Variants in NOX4 observed in about 807,000 individuals in gnomAD.
NOX4 encodes kidney oxidase-1.
NOX4 carries 69 observed loss-of-function variants against 87.6 expected under a neutral mutation model. The ratio of observed to expected loss-of-function variants is 0.79; its 90% CI spans 0.65 to 0.96. The LOEUF is 0.96. Among genes scored for constraint, NOX4 ranks in the 40% least tolerant of loss-of-function variants. The pLI is 0.00. For missense variants in NOX4, 680 were observed against 681.5 expected (o/e 1.00, Z 0.02); for synonymous variants, 275 against 238.2 (o/e 1.15, Z -1.42).
intron 2 of NOX4, among the ~76,000 whole-genome samples, chr11:89,455,301 G>A (rs535700046): frequency 2.6e-5 from 4 of 152,022 alleles, no homozygotes; most frequent in African/African-American, 9.6e-5. Context: ...TTATCACAAG[G>A]ACATTCCATG....
the NOX4 span, chr11:89,533,964 T>A: frequency 6.6e-6 from 1 of 152,234 alleles, no homozygotes. Context: ...AGCCTCTGTC[T>A]TGTCTAATAC....
At chr11:89,339,437 G>A (rs1945877553) in intron 15 of NOX4, among the ~76,000 whole-genome samples, 2 of 152,170 alleles carry the variant, frequency 1.3e-5, no homozygotes, top group African/African-American at 4.8e-5. Flanking sequence ...AGGGAAGGTA[G>A]TAAGAGAGGA....
the NOX4 span, among the ~76,000 whole-genome samples, chr11:89,560,996 C>CTCTCTCTCTCTATATATATA: frequency 2.4e-5 from 1 of 40,822 alleles, no homozygotes; most frequent in African/African-American, 1.3e-4. Context: ...CTCTCTCTCT[C>CTCTCTCTCTCTATATATATA]TATATATATA....
intron 2 of NOX4, among the ~76,000 whole-genome samples, chr11:89,460,456 A>G (rs1387398588): frequency 2.0e-5 from 3 of 152,194 alleles, no homozygotes; most frequent in African/African-American, 7.2e-5. Context: ...AACTCAAACA[A>G]ATTTACAAGA....
chr11:89,435,527 G>T (rs1001945677), intron 6 of NOX4, among the ~76,000 whole-genome samples: 1 of 151,950 alleles, frequency 6.6e-6, no homozygotes, highest in Non-Finnish European at 1.5e-5. Flanking sequence ...AAGTCACAGG[G>T]TACATTAATG....
At chr11:89,535,413 T>G in the NOX4 span, among the ~76,000 whole-genome samples, 1 of 152,252 alleles carries the variant, frequency 6.6e-6, no homozygotes, top group Non-Finnish European at 1.5e-5. Flanking sequence ...GATTTTTCAG[T>G]GGCATCCAAG....
At chr11:89,380,456 G>T (rs1421417817) in intron 11 of NOX4, among the ~76,000 whole-genome samples, 2 of 152,096 alleles carry the variant, frequency 1.3e-5, no homozygotes, top group Admixed American at 1.3e-4. Flanking sequence ...TTAAGAGAAT[G>T]AGAGGAAAGG....
the NOX4 span, among the ~76,000 whole-genome samples, chr11:89,570,755 G>C: frequency 1.3e-5 from 2 of 152,154 alleles, no homozygotes; most frequent in African/African-American, 4.8e-5. Context: ...GAGCCTAGGA[G>C]GTTGGTCCTG....
chr11:89,352,146 T>C (rs1946485426), intron 13 of NOX4, among the ~76,000 whole-genome samples: 1 of 152,058 alleles, frequency 6.6e-6, no homozygotes, highest in African/African-American at 2.4e-5. Context: ...TAATGAGAAA[T>C]TACTTATTGC....
At chr11:89,385,856 T>C (rs868290479) in intron 11 of NOX4, among the ~76,000 whole-genome samples, 9 of 152,276 alleles carry the variant, frequency 5.9e-5, no homozygotes, top group Middle Eastern at 6.8e-3. Flanking sequence ...TCTGAGAAGG[T>C]AACCATGGTC....
intron 17 of NOX4, among the ~76,000 whole-genome samples, chr11:89,329,932 C>T (rs1330045737): frequency 6.6e-6 from 1 of 151,670 alleles, no homozygotes; most frequent in Non-Finnish European, 1.5e-5. Context: ...TTTGAATCAA[C>T]CAAAGGAAAG....
Position 89,342,176 on chromosome 11 carries a change from G to A in NOX4, c.1235C>T (p.Pro412Leu), listed in dbSNP as rs1324699109. 3 of 1,612,632 alleles carry A rather than the reference G, an allele frequency of 1.9e-6. No individual in the cohort carries two copies. The highest frequency in any genetic ancestry group is 2.7e-5 in the African/African-American group (2 of 74,802). ...TGATTCCTCAAATGGACTTCCAAAA[G>A]GACCATCAATATACAGCCTGTAGAG... ...RNYPKLYIDG[P>L]FGSPFEESLN... Residue 412 changes from proline (P) to leucine (L), a missense_variant, in exon 14 of 18, where the codon CCT (proline) becomes CTT (leucine). Transcript: ENST00000263317.
upstream of NOX4, chr11:89,491,397 C>A: frequency 1.5e-6 from 1 of 681,584 alleles, no homozygotes; most frequent in South Asian, 2.2e-5. Flanking sequence ...GGCCCGGCGC[C>A]GAGCCAGCCC....
At chr11:89,377,246 T>C (rs1162136422) in intron 11 of NOX4, among the ~76,000 whole-genome samples, 1 of 152,188 alleles carries the variant, frequency 6.6e-6, no homozygotes, top group Non-Finnish European at 1.5e-5. Flanking sequence ...TCACAAGCCT[T>C]TGCTATGATA....
the NOX4 span, among the ~76,000 whole-genome samples, chr11:89,578,034 T>C: frequency 3.1e-3 from 476 of 152,258 alleles, 7 homozygotes; most frequent in South Asian, 4.8e-3. Flanking sequence ...GTATGTTTTC[T>C]TAGGGCCCTA....
At chr11:89,431,911 T>C (rs1331268116) in intron 7 of NOX4, among the ~76,000 whole-genome samples, 3 of 152,212 alleles carry the variant, frequency 2.0e-5, no homozygotes, top group East Asian at 1.9e-4. Flanking sequence ...CGTATGTTTA[T>C]TGCGGCACTA....
chr11:89,437,333 C>T (rs186365694), intron 6 of NOX4, among the ~76,000 whole-genome samples: 1 of 152,212 alleles, frequency 6.6e-6, no homozygotes, highest in East Asian at 1.9e-4. Context: ...TAGTTTTAGT[C>T]AACATTAGTG....
chr11:89,519,168 A>G, the NOX4 span, among the ~76,000 whole-genome samples: 28 of 152,240 alleles, frequency 1.8e-4, no homozygotes, highest in South Asian at 4.1e-4. Flanking sequence ...GAGAAGTGCT[A>G]TGTTTGAAGC....
intron 7 of NOX4, among the ~76,000 whole-genome samples, chr11:89,431,359 C>G (rs1943770952): frequency 6.6e-6 from 1 of 152,232 alleles, no homozygotes; most frequent in South Asian, 2.1e-4. Flanking sequence ...AAAATGGGAT[C>G]TAATTAAACT....
Sources: allele counts gnomAD v4.1 joint callset (sites outside exome capture counted in the v4.1 genomes callset), GRCh38; gene constraint gnomAD v4.1.1; transcripts MANE v1.5; gene names NCBI Gene and HGNC (gene_info 2026-07-23, HGNC 2026-07-21).